The following RSU1 variants were observed in gnomAD, a reference collection of about 807,000 sequenced individuals.
RSU1 encodes Ras suppressor protein 1.
Under a neutral mutation model 31.1 loss-of-function variants are expected in RSU1, and 26 were observed. The observed-to-expected ratio is 0.84, with a 90% CI of 0.61 to 1.16. The LOEUF (loss-of-function observed/expected upper bound fraction) is 1.16, where lower values mean the gene tolerates loss of function less well. RSU1 is among the 50% of genes most tolerant of loss of function. RSU1 has a pLI of 0.00. For synonymous variants in RSU1, 164 were observed against 136.3 expected (o/e 1.20, Z -1.41); for missense variants, 320 against 339.1 (o/e 0.94, Z 0.44).
At chr10:16,699,819 T>C (rs1835751371) in intron 7 of RSU1, among the ~76,000 whole-genome samples, 1 of 152,250 alleles carries the variant, frequency 6.6e-6, no homozygotes, top group South Asian at 2.1e-4. Flanking sequence ...AGTGACCCTC[T>C]GACCGATGCT....
chr10:16,817,197 TCCGAGGGCGTCCCAGGGGC>T, intron 1 of RSU1, 99 bp downstream of exon 1: 1 of 667,692 alleles, frequency 1.5e-6, no homozygotes, highest in Non-Finnish European at 2.6e-6. Context: ...CGGGTGGGCG[TCCGAGGGCGTCCCAGGGGC>T]TGGTCCGGGT....
intron 7 of RSU1, among the ~76,000 whole-genome samples, chr10:16,719,745 C>A (rs578189208): frequency 6.6e-6 from 1 of 152,246 alleles, no homozygotes; most frequent in Non-Finnish European, 1.5e-5. Flanking sequence ...GCTCTGTCTG[C>A]ATCAATGGCT....
chr10:16,607,639 C>A (rs1039356658), intron 8 of RSU1, among the ~76,000 whole-genome samples: 1 of 152,156 alleles, frequency 6.6e-6, no homozygotes, highest in Non-Finnish European at 1.5e-5. Flanking sequence ...TTGGAATGTG[C>A]CAGACCTCAC....
intron 3 of RSU1, among the ~76,000 whole-genome samples, chr10:16,779,160 CA>C (rs1205917099): frequency 1.3e-5 from 2 of 152,318 alleles, no homozygotes; most frequent in Non-Finnish European, 2.9e-5. Flanking sequence ...CCGCTGACTT[CA>C]AAAACCCATC....
chr10:16,771,607 A>C (rs1837425867), intron 3 of RSU1, among the ~76,000 whole-genome samples: 1 of 151,866 alleles, frequency 6.6e-6, no homozygotes, highest in Admixed American at 6.6e-5. Context: ...TTATATGCCA[A>C]AAAAAAAGGT....
intron 8 of RSU1, among the ~76,000 whole-genome samples, chr10:16,661,466 A>G (rs1834889958): frequency 6.6e-6 from 1 of 152,170 alleles, no homozygotes; most frequent in African/African-American, 2.4e-5. Flanking sequence ...CAAATTATCT[A>G]CATTTTTTAA....
rs371161953 is a variant in RSU1 at position 16,645,927 on chromosome 10, TAC to T, written c.731+49094_731+49095del. On this transcript the variant is annotated intron_variant, in intron 8 of 8. Transcript: ENST00000345264. The stretch of plus-strand genomic sequence containing the variant: ...ACATATATGTATATATATGTGTATA[TAC>T]ACATATGTGTATATATATGTGTATA... Among the ~76,000 whole-genome samples, 42 of 21,950 alleles carry T rather than the reference TAC, an allele frequency of 1.9e-3. 11 individuals are homozygous for T. The highest frequency in any genetic ancestry group is 5.4e-3 in the African/African-American group (36 of 6,684). 14.4% of individuals were successfully genotyped at this position (21,950 alleles called of 152,430 possible).
chr10:16,752,656 A>G lies in RSU1; in HGVS notation c.484-3T>C, dbSNP rs761266577. The G allele has an allele frequency of 1.3e-6, 2 of 1,597,786 alleles. No homozygotes were observed. The highest frequency in any genetic ancestry group is 8.6e-7 in the Non-Finnish European group (1 of 1,165,702). ...AGGTCGTTATCCCTAAGGCTGAGCT[A>G]AACAGAAGAAAACAAGTTGTCAACA... On this transcript the variant is annotated splice_polypyrimidine_tract_variant and splice_region_variant and intron_variant, in intron 6 of 8. Coordinates refer to ENST00000345264, the MANE Select transcript of RSU1 (RefSeq NM_012425.4).
intron 8 of RSU1, among the ~76,000 whole-genome samples, chr10:16,603,955 T>C (rs2131460641): frequency 6.6e-6 from 1 of 152,326 alleles, no homozygotes; most frequent in Non-Finnish European, 1.5e-5. Flanking sequence ...ACTATGAAAA[T>C]GCACTAACTT....
At chr10:16,720,885 C>G (rs1836244157) in intron 7 of RSU1, among the ~76,000 whole-genome samples, 1 of 152,106 alleles carries the variant, frequency 6.6e-6, no homozygotes, top group Admixed American at 6.6e-5. Context: ...GCTTGGGAGG[C>G]TGAGGTGGGA....
intron 8 of RSU1, among the ~76,000 whole-genome samples, chr10:16,664,096 T>C (rs1485833667): frequency 6.6e-6 from 1 of 152,224 alleles, no homozygotes; most frequent in Non-Finnish European, 1.5e-5. Context: ...GCAAATTTTA[T>C]AGAACCTACT....
intron 7 of RSU1, among the ~76,000 whole-genome samples, chr10:16,725,554 C>T (rs1486511595): frequency 6.6e-6 from 1 of 151,956 alleles, no homozygotes; most frequent in Non-Finnish European, 1.5e-5. Context: ...ACACCTAAAC[C>T]CCTGTGAAAG....
In RSU1 at chr10:16,655,354, C is replaced by T. The variant is rs151023748; in HGVS notation, c.731+39669G>A. ...TAAGAGCACGGGCTTGGGACTTAGG[C>T]TCCAGGTCAAAGCTGGGATCTGTCA... On this transcript the variant is annotated intron_variant, in intron 8 of 8. Transcript: ENST00000345264. 8.1e-4 allele frequency among the ~76,000 whole-genome samples: 124 copies of T among 152,288 alleles called. 1 individual carries two copies. The highest frequency in any genetic ancestry group is 2.8e-3 in the African/African-American group (118 of 41,558).
Position 16,767,806 on chromosome 10 carries a change from A to C in RSU1, c.161-3296T>G, listed in dbSNP as rs1270096017. On this transcript the variant is annotated intron_variant, in intron 3 of 8. Transcript: ENST00000345264. ...ATTTAAAGAAAGTAAGTTACAAAAG[A>C]CAGGGTATCAAAGTCAATCAACTGA... Among the ~76,000 whole-genome samples, 3 of 152,228 alleles carry C rather than the reference A, an allele frequency of 2.0e-5. No individual in the cohort carries two copies. In the East Asian group the frequency reaches 5.8e-4, roughly 29 times the overall value.
At chr10:16,800,272 T>A (rs954423641) in intron 2 of RSU1, among the ~76,000 whole-genome samples, 1 of 152,204 alleles carries the variant, frequency 6.6e-6, no homozygotes, top group Non-Finnish European at 1.5e-5. Context: ...ATGGCAGATA[T>A]TTTACAGTTA....
chr10:16,760,505 A>G (rs1204772039), intron 4 of RSU1, among the ~76,000 whole-genome samples: 9 of 147,550 alleles, frequency 6.1e-5, no homozygotes, highest in Non-Finnish European at 1.3e-4. Context: ...AAGAAACTCC[A>G]TCTCAAAAAA....
chr10:16,681,504 T>TA (rs1180608979), intron 8 of RSU1, among the ~76,000 whole-genome samples: 3 of 152,212 alleles, frequency 2.0e-5, no homozygotes, highest in East Asian at 1.9e-4. Flanking sequence ...TCTATTGCCT[T>TA]AAAAAAATCG....
chr10:16,697,138 C>G (rs1216735953), intron 7 of RSU1, among the ~76,000 whole-genome samples: 1 of 152,014 alleles, frequency 6.6e-6, no homozygotes, highest in African/African-American at 2.4e-5. Context: ...GGAGGCAGGA[C>G]TAGTAAGGGA....
At chr10:16,616,611 T>C (rs1833981860) in intron 8 of RSU1, among the ~76,000 whole-genome samples, 1 of 151,772 alleles carries the variant, frequency 6.6e-6, no homozygotes, top group Non-Finnish European at 1.5e-5. Context: ...CAGGTGAAAA[T>C]CCTCAATAAA....
Sources: gnomAD v4.1 joint callset for allele counts (sites outside exome capture counted in the v4.1 genomes callset) on GRCh38, gnomAD v4.1.1 for gene constraint, MANE v1.5 for transcripts, NCBI Gene and HGNC (gene_info 2026-07-23, HGNC 2026-07-21) for gene names.